The following ST3GAL4 variants were observed in gnomAD, a reference collection of about 807,000 sequenced individuals.
ST3GAL4 encodes CMP-N-acetylneuraminate-beta-galactosamide-alpha-2,3-sialyltransferase 4.
In ST3GAL4, 24 loss-of-function variants were observed where a neutral mutation model predicts 42.6. The ratio of observed to expected loss-of-function variants is 0.56; its 90% CI spans 0.41 to 0.79. The LOEUF is 0.79. ST3GAL4 is among the 30% of genes least tolerant of loss of function. ST3GAL4 has a pLI of 0.00. For missense variants in ST3GAL4, 311 were observed against 430.8 expected, an observed-to-expected ratio of 0.72 and a Z score of 2.46; for synonymous variants, 135 against 163.2, an observed-to-expected ratio of 0.83 and a Z score of 1.32.
chr11:126,388,660 G>GTTTTTTT (rs10599019), intron 1 of ST3GAL4, among the ~76,000 whole-genome samples: 170 of 79,138 alleles, frequency 2.1e-3, no homozygotes, highest in Non-Finnish European at 2.6e-3. Flanking sequence ...TAGGTTTCTT[G>GTTTTTTT]TTTTTTTTTT....
In ST3GAL4 at chr11:126,414,181, G is replaced by C; in HGVS notation, c.*134G>C. The C allele has an allele frequency of 1.2e-6, 1 of 840,276 alleles. No individual in the cohort carries two copies. Among genetic ancestry groups the C allele is most frequent in the Non-Finnish European group, 2.0e-6 (1 of 507,196 alleles). The allele number at this position is 840,276 out of a possible 1,614,324, so 52.1% of individuals were successfully genotyped here. A position where few individuals can be genotyped will look rare whatever the true frequency, so the allele number is the denominator to read the frequency against. On this transcript the variant is annotated 3_prime_UTR_variant, in exon 11 of 11. Coordinates refer to ENST00000444328, the MANE Select transcript of ST3GAL4 (RefSeq NM_001254757.2). ...CTCTTGGGGAGGGAGTTCTGGGCCT[G>C]GCCAGGTCTGAGATGAGGCCATGCC...
chr11:126,406,480 G>C lies in ST3GAL4; in HGVS notation c.24G>C (p.Lys8Asn). The part of the protein sequence containing the change: MVSKSRW[K>N]LLAMLALVLV... ...TCTGCATGTGTCCTGCAGGCTGGAA[G>C]CTCCTGGCCATGTTGGCTCTGGTCC... The change falls in exon 3 of 11, where the codon AAG (lysine) becomes AAC (asparagine). Residue 8 changes from lysine to asparagine, a missense_variant. Lys to Asn is a moderately conservative substitution (Grantham distance 94). Transcript: ENST00000444328. The surrounding 1 kb of genome is among the most constrained non-coding windows in gnomAD (Gnocchi z 5.4). 1 of 1,614,242 alleles carries C rather than the reference G, an allele frequency of 6.2e-7. No homozygotes were observed. Among genetic ancestry groups the C allele is most frequent in the Admixed American group, 1.7e-5 (1 of 60,032 alleles).
At chr11:126,364,523 C>T (rs1026595109) in intron 1 of ST3GAL4, among the ~76,000 whole-genome samples, 8 of 142,726 alleles carry the variant, frequency 5.6e-5, no homozygotes, top group African/African-American at 1.6e-4. Context: ...GAGGAGGGGC[C>T]GTGGGACCTG....
At position 126,406,470 on chromosome 11, in the gene ST3GAL4, C is replaced by A; in HGVS notation, c.17-3C>A. The stretch of plus-strand genomic sequence containing the variant: ...CTAGCTCCTCTCTGCATGTGTCCTG[C>A]AGGCTGGAAGCTCCTGGCCATGTTG... On this transcript the variant is annotated splice_polypyrimidine_tract_variant and splice_region_variant and intron_variant, in intron 2 of 10. Coordinates refer to ENST00000444328, the MANE Select transcript of ST3GAL4 (RefSeq NM_001254757.2). The surrounding 1 kb of genome is among the most constrained non-coding windows in gnomAD (Gnocchi z 5.4). The A allele has an allele frequency of 6.2e-7, 1 of 1,614,196 alleles. No individual in the cohort carries two copies.
At chr11:126,361,884 CT>C (rs112227008) in intron 1 of ST3GAL4, among the ~76,000 whole-genome samples, 10,052 of 142,938 alleles carry the variant, frequency 0.07, 401 homozygotes, top group East Asian at 0.2. Flanking sequence ...ATTAACACTT[CT>C]TTTTTTTTTT....
At chr11:126,408,273 C>T (rs780216466) in intron 7 of ST3GAL4, 34 bp from the exon 8 acceptor site, 2 of 1,612,890 alleles carry the variant, frequency 1.2e-6, no homozygotes, top group Non-Finnish European at 1.7e-6. Flanking sequence ...CCCAGGAGGC[C>T]TCTAGTGATG....
intron 1 of ST3GAL4, among the ~76,000 whole-genome samples, chr11:126,365,780 T>C (rs1488798904): frequency 6.6e-6 from 1 of 152,088 alleles, no homozygotes. Context: ...GAGAGGACAG[T>C]CCCTGTCACT....
rs1392766920 is a variant in ST3GAL4 at position 126,366,040 on chromosome 11, G to A, written c.-61+10198G>A. Among the ~76,000 whole-genome samples, 1 of 152,228 alleles carries A rather than the reference G, an allele frequency of 6.6e-6. No individual in the cohort carries two copies. Among genetic ancestry groups the A allele is most frequent in the Non-Finnish European group, 1.5e-5 (1 of 68,018 alleles). On this transcript the variant is annotated intron_variant, in intron 1 of 10. Coordinates refer to ENST00000444328, the MANE Select transcript of ST3GAL4 (RefSeq NM_001254757.2). This position sits in a 1 kb window ranked among gnomAD's most constrained non-coding sequence, Gnocchi z 4.2. ...TGGGAGCTGAGCCTGGCTGGGCAGA[G>A]GGCGAGGAGCCCAGGATTCCCCTTT...
chr11:126,403,655 C>T (rs183685436), intron 1 of ST3GAL4, among the ~76,000 whole-genome samples: 5 of 152,248 alleles, frequency 3.3e-5, no homozygotes, highest in East Asian at 1.9e-4. Context: ...GAAGATGAAA[C>T]GCACCCTGGT....
chr11:126,356,201 C>CGGTCA (rs1952056827), intron 1 of ST3GAL4: 1 of 152,360 alleles, frequency 6.6e-6, no homozygotes, highest in South Asian at 2.1e-4. Context: ...ACAACTACCC[C>CGGTCA]GGTCAGGTCC....
Position 126,379,091 on chromosome 11 carries a change from C to T in ST3GAL4, c.-61+23249C>T, listed in dbSNP as rs962243323. Among the ~76,000 whole-genome samples the T allele has an allele frequency of 3.3e-5, 5 of 152,232 alleles. No homozygotes were observed. Among genetic ancestry groups the T allele is most frequent in the Admixed American group, 2.6e-4 (4 of 15,286 alleles). On this transcript the variant is annotated intron_variant, in intron 1 of 10. Coordinates refer to ENST00000444328, the MANE Select transcript of ST3GAL4 (RefSeq NM_001254757.2). This position sits in a 1 kb window ranked among gnomAD's most constrained non-coding sequence, Gnocchi z 4.2. Reference sequence around the variant, plus strand: ...GTTGATCATAAATATCAGCCAACTGCCAAGGGAAGGATACCAACCCTTTTC... The same window carrying T: ...GTTGATCATAAATATCAGCCAACTGTCAAGGGAAGGATACCAACCCTTTTC...
intron 1 of ST3GAL4, among the ~76,000 whole-genome samples, chr11:126,360,289 C>T (rs1216464665): frequency 2.6e-5 from 4 of 152,146 alleles, no homozygotes; most frequent in African/African-American, 2.4e-5. Context: ...CTGAGGGATC[C>T]GCGGAGTTCT....
intron 1 of ST3GAL4, among the ~76,000 whole-genome samples, chr11:126,402,467 A>T (rs991384556): frequency 8.6e-5 from 13 of 151,418 alleles, no homozygotes; most frequent in Non-Finnish European, 1.6e-4. Flanking sequence ...AAAAAAAAAA[A>T]AAGAAGAAGA....
chr11:126,404,519 A>G (rs1170903807), intron 1 of ST3GAL4, among the ~76,000 whole-genome samples: 4 of 152,202 alleles, frequency 2.6e-5, no homozygotes, highest in South Asian at 2.1e-4. Flanking sequence ...CTGATGACAG[A>G]TGGGAAAAGC....
At position 126,386,987 on chromosome 11, in the gene ST3GAL4, G is replaced by A. The variant is rs1358479618; in HGVS notation, c.-60-19109G>A. On this transcript the variant is annotated intron_variant, in intron 1 of 10. Coordinates refer to ENST00000444328, the MANE Select transcript of ST3GAL4 (RefSeq NM_001254757.2). This position sits in a 1 kb window ranked among gnomAD's most constrained non-coding sequence, Gnocchi z 4.7. ...GGGCTGGAGCCCAGCCTCACTTGCTGCCCTGGCCAGGCCGTGATTGCCCAG... is the reference window on the plus strand; with the variant it reads ...GGGCTGGAGCCCAGCCTCACTTGCTACCCTGGCCAGGCCGTGATTGCCCAG... 4.6e-5 allele frequency among the ~76,000 whole-genome samples: 7 copies of A among 152,234 alleles called. No homozygotes were observed. The highest frequency in any genetic ancestry group is 4.2e-4 in the South Asian group (2 of 4,818).
At chr11:126,402,093 G>GGGGT (rs1565419633) in intron 1 of ST3GAL4, among the ~76,000 whole-genome samples, 14 of 127,558 alleles carry the variant, frequency 1.1e-4, no homozygotes, top group African/African-American at 3.1e-4. Flanking sequence ...TTGGGGGAAA[G>GGGGT]AGGGGAGGTA....
chr11:126,384,315 A>G lies in ST3GAL4; in HGVS notation c.-60-21781A>G, dbSNP rs867919954. Among the ~76,000 whole-genome samples the G allele has an allele frequency of 6.6e-6, 1 of 152,182 alleles. No individual in the cohort carries two copies. The highest frequency in any genetic ancestry group is 6.5e-5 in the Admixed American group (1 of 15,278). On this transcript the variant is annotated intron_variant, in intron 1 of 10. Coordinates refer to ENST00000444328, the MANE Select transcript of ST3GAL4 (RefSeq NM_001254757.2). The surrounding 1 kb of genome is among the most constrained non-coding windows in gnomAD (Gnocchi z 5.5). ...AGATCTCCGGTGCTCCAAGACACTC[A>G]AAACCAGAGCTGAGAGCCTGAATTC... is the stretch of plus-strand genomic sequence containing the variant.
intron 1 of ST3GAL4, among the ~76,000 whole-genome samples, chr11:126,371,541 A>G (rs1045374536): frequency 8.5e-5 from 13 of 152,088 alleles, no homozygotes; most frequent in Admixed American, 7.9e-4. Context: ...TTCATCCTTT[A>G]TCTATTTGCA....
At chr11:126,395,154 C>G (rs1244647402) in intron 1 of ST3GAL4, among the ~76,000 whole-genome samples, 1 of 152,192 alleles carries the variant, frequency 6.6e-6, no homozygotes, top group Non-Finnish European at 1.5e-5. Context: ...ACTGCCTCTT[C>G]CACTCTGTTC....
Sources: gnomAD v4.1 joint callset for allele counts (sites outside exome capture counted in the v4.1 genomes callset) on GRCh38, gnomAD v4.1.1 for gene constraint, Gnocchi (gnomAD v3.1) non-coding constraint, MANE v1.5 for transcripts, NCBI Gene and HGNC (gene_info 2026-07-23, HGNC 2026-07-21) for gene names.